LARGE1: variants seen among roughly 807,000 people sequenced by gnomAD.
LARGE1 encodes the protein LARGE xylosyl- and glucuronyltransferase 1.
A neutral mutation model predicts 87.6 loss-of-function variants in LARGE1; 43 were observed. The observed-to-expected ratio is 0.49, with a 90% CI of 0.38 to 0.63. The LOEUF (loss-of-function observed/expected upper bound fraction) is 0.63, where lower values mean the gene tolerates loss of function less well. Ranked by LOEUF, LARGE1 falls within the 30% of genes least tolerant of loss-of-function variation. The pLI, the probability that LARGE1 is intolerant of heterozygous loss-of-function variation, is 0.00. For missense variants in LARGE1, 802 were observed against 1,000.2 expected, an observed-to-expected ratio of 0.80 and a Z score of 2.67; for synonymous variants, 434 against 394.6, an observed-to-expected ratio of 1.10 and a Z score of -1.18.
chr22:33,552,757 G>C (rs2077568675), intron 6 of LARGE1, among the ~76,000 whole-genome samples: 1 of 152,214 alleles, frequency 6.6e-6, no homozygotes, highest in Non-Finnish European at 1.5e-5. Flanking sequence ...AAGACCATCT[G>C]TCAAGTTGCT....
intron 1 of LARGE1, among the ~76,000 whole-genome samples, chr22:33,819,977 CAGTGTCT>C (rs1264609874): frequency 6.6e-6 from 1 of 152,170 alleles, no homozygotes; most frequent in Non-Finnish European, 1.5e-5. Flanking sequence ...GGCTGGACAT[CAGTGTCT>C]AGAGCTTGCA....
intron 1 of LARGE1, among the ~76,000 whole-genome samples, chr22:33,885,124 A>G (rs571391307): frequency 6.6e-6 from 1 of 152,368 alleles, no homozygotes; most frequent in Non-Finnish European, 1.5e-5. Flanking sequence ...CATCGGCTAA[A>G]TAATCCACAT....
intron 2 of LARGE1, among the ~76,000 whole-genome samples, chr22:33,670,611 G>C (rs937570445): frequency 1.3e-5 from 2 of 152,124 alleles, no homozygotes; most frequent in African/African-American, 2.4e-5. Context: ...CTATTAGCTC[G>C]AGGTAGTTCA....
the LARGE1 span, among the ~76,000 whole-genome samples, chr22:33,146,747 T>A: frequency 6.6e-6 from 1 of 152,188 alleles, no homozygotes; most frequent in Non-Finnish European, 1.5e-5. Flanking sequence ...GGTTTTTTTT[T>A]AATTGAACTG....
intron 6 of LARGE1, among the ~76,000 whole-genome samples, chr22:33,530,756 A>G (rs564620575): frequency 2.6e-4 from 40 of 152,258 alleles, no homozygotes; most frequent in African/African-American, 8.4e-4. Flanking sequence ...CAGGATCTAA[A>G]AGCTCCCTGT....
chr22:33,324,411 AGGG>A (rs1937065029), intron 10 of LARGE1, among the ~76,000 whole-genome samples: 2 of 151,380 alleles, frequency 1.3e-5, no homozygotes. Context: ...TTTCATTAAC[AGGG>A]TCTGAATGCT....
In LARGE1 at chr22:33,490,901, T is replaced by C. The variant is rs56003620; in HGVS notation, c.788-58636A>G. On this transcript the variant is annotated intron_variant, in intron 6 of 14. Transcript: ENST00000397394. ...CACCTCTTCCTACCATTGTCGCCAGTTTCCTGGGTACTCTTCTCTCTTACT... is the reference window on the plus strand; with the variant it reads ...CACCTCTTCCTACCATTGTCGCCAGCTTCCTGGGTACTCTTCTCTCTTACT... 3.8e-3 allele frequency among the ~76,000 whole-genome samples: 582 copies of C among 152,310 alleles called. 3 individuals carry two copies. Among genetic ancestry groups the C allele is most frequent in the African/African-American group, 0.013 (550 of 41,566 alleles).
chr22:33,615,975 C>G (rs929604228), intron 4 of LARGE1, among the ~76,000 whole-genome samples: 2 of 152,044 alleles, frequency 1.3e-5, no homozygotes, highest in Non-Finnish European at 2.9e-5. Context: ...AAGCCACTTA[C>G]CCACTAGAAT....
In LARGE1 at chr22:33,671,313, C is replaced by T. The variant is rs1024862046; in HGVS notation, c.107-20645G>A. Reference sequence around the variant, plus strand: ...CAGATACCACACTGCTGAGTCCATACTGAGTGAGATGAAAGCCATCATGAG... The same window carrying T: ...CAGATACCACACTGCTGAGTCCATATTGAGTGAGATGAAAGCCATCATGAG... On this transcript the variant is annotated intron_variant, in intron 2 of 14. Coordinates refer to ENST00000397394, the MANE Select transcript of LARGE1 (RefSeq NM_133642.5). Among the ~76,000 whole-genome samples, 5 of 152,242 alleles carry T rather than the reference C, an allele frequency of 3.3e-5. 1 individual carries two copies. The highest frequency in any genetic ancestry group is 1.3e-4 in the Admixed American group (2 of 15,286).
At chr22:33,689,717 G>A (rs571964607) in intron 2 of LARGE1, among the ~76,000 whole-genome samples, 2 of 152,208 alleles carry the variant, frequency 1.3e-5, no homozygotes, top group South Asian at 2.1e-4. Flanking sequence ...ACGAGGTCAG[G>A]GGTTTGAGTC....
At chr22:33,144,382 TTAATTCTATAGTTGTTG>T in the LARGE1 span, among the ~76,000 whole-genome samples, 1 of 152,162 alleles carries the variant, frequency 6.6e-6, no homozygotes, top group Non-Finnish European at 1.5e-5. Context: ...TTGCATAGAA[TTAATTCTATAGTTGTTG>T]CATATATTGA....
chr22:33,449,700 C>A (rs9609800), intron 6 of LARGE1, among the ~76,000 whole-genome samples: 33,746 of 152,152 alleles, frequency 0.22, 3,937 homozygotes, highest in Non-Finnish European at 0.24. Context: ...ATATGCGTCT[C>A]AAAGCACATG....
rs984650099 is a variant in LARGE1, at chr22:33,761,555, C to T, written c.-79G>A. Reference sequence around the variant, plus strand: ...GAAGTCCTCGGCCTCCCTCATAATACTCTCTGAAAGGAAGAGCAAAGAGGA... The same window carrying T: ...GAAGTCCTCGGCCTCCCTCATAATATTCTCTGAAAGGAAGAGCAAAGAGGA... On this transcript the variant is annotated 5_prime_UTR_variant, in exon 2 of 15. Coordinates refer to ENST00000397394, the MANE Select transcript of LARGE1 (RefSeq NM_133642.5). 1 of 1,120,962 alleles carries T rather than the reference C, an allele frequency of 8.9e-7. No individual in the cohort carries two copies. The highest frequency in any genetic ancestry group is 1.8e-5 in the Admixed American group (1 of 56,312). The allele number at this position is 1,120,962 out of a possible 1,614,324, so 69.4% of individuals were successfully genotyped here. A position where few individuals can be genotyped will look rare whatever the true frequency, so the allele number is the denominator to read the frequency against.
At chr22:33,371,601 T>G (rs1350836124) in intron 9 of LARGE1, among the ~76,000 whole-genome samples, 1 of 152,232 alleles carries the variant, frequency 6.6e-6, no homozygotes, top group East Asian at 1.9e-4. Context: ...GACAATAACT[T>G]GAAATGATGA....
chr22:33,092,502 T>G, the LARGE1 span, among the ~76,000 whole-genome samples: 1 of 152,170 alleles, frequency 6.6e-6, no homozygotes, highest in African/African-American at 2.4e-5. Context: ...GTGCAGGATG[T>G]GCATGTTTGT....
intron 6 of LARGE1, among the ~76,000 whole-genome samples, chr22:33,467,017 G>A (rs1348386223): frequency 6.6e-6 from 1 of 152,118 alleles, no homozygotes; most frequent in African/African-American, 2.4e-5. Flanking sequence ...ACTCCAGCCT[G>A]GGTAACAAGA....
chr22:33,589,928 A>G (rs2078786765), intron 5 of LARGE1, among the ~76,000 whole-genome samples: 1 of 149,550 alleles, frequency 6.7e-6, no homozygotes, highest in African/African-American at 2.5e-5. Context: ...ACTGTGGTCA[A>G]GAGTAGGGCC....
At chr22:33,637,731 A>C (rs1405901245) in intron 3 of LARGE1, among the ~76,000 whole-genome samples, 2 of 152,194 alleles carry the variant, frequency 1.3e-5, no homozygotes, top group Admixed American at 6.5e-5. Context: ...TTCAGCCCCA[A>C]TCAAACCTTC....
intron 10 of LARGE1, among the ~76,000 whole-genome samples, chr22:33,327,649 A>G (rs1937357463): frequency 6.6e-6 from 1 of 152,132 alleles, no homozygotes; most frequent in Non-Finnish European, 1.5e-5. Flanking sequence ...TCGACCTCCC[A>G]GGCTCAAGTG....
Sources: gnomAD v4.1 joint callset for allele counts (sites outside exome capture counted in the v4.1 genomes callset) on GRCh38, gnomAD v4.1.1 for gene constraint, MANE v1.5 for transcripts, NCBI Gene and HGNC (gene_info 2026-07-23, HGNC 2026-07-21) for gene names.